The following BBOX1 variants were observed in gnomAD, a reference collection of about 807,000 sequenced individuals.
BBOX1 encodes the protein gamma-butyrobetaine dioxygenase.
Under a neutral mutation model 41.6 loss-of-function variants are expected in BBOX1, and 35 were observed. That is an observed-to-expected ratio of 0.84 (90% CI 0.64 to 1.11). The LOEUF (loss-of-function observed/expected upper bound fraction) is 1.11, where lower values mean the gene tolerates loss of function less well. Among genes scored for constraint, BBOX1 ranks in the 50% most tolerant of loss-of-function variants. The probability of loss-of-function intolerance (pLI) is 0.00; values close to 1 mark genes in which losing one functional copy is unlikely to be tolerated. For synonymous variants in BBOX1, 163 were observed against 154.7 expected, an observed-to-expected ratio of 1.05 and a Z score of -0.40; for missense variants, 458 against 460.6, an observed-to-expected ratio of 0.99 and a Z score of 0.05.
intron 4 of BBOX1, among the ~76,000 whole-genome samples, chr11:27,066,100 T>G (rs1312197332): frequency 1.3e-5 from 2 of 152,204 alleles, no homozygotes; most frequent in African/African-American, 4.8e-5. Context: ...GTAGTTATAT[T>G]AAAGTAAAGT....
chr11:27,101,685 TTTC>T (rs1465897492), intron 5 of BBOX1, among the ~76,000 whole-genome samples: 1 of 152,100 alleles, frequency 6.6e-6, no homozygotes, highest in Non-Finnish European at 1.5e-5. Context: ...ACAACAAAGA[TTTC>T]TTTTTTTATT....
At chr11:27,046,918 A>ATTTTT (rs71449139) in intron 2 of BBOX1, among the ~76,000 whole-genome samples, 1 of 148,528 alleles carries the variant, frequency 6.7e-6, no homozygotes, top group African/African-American at 2.4e-5. Flanking sequence ...ATGATCTGCA[A>ATTTTT]TTTTTTTTTT....
intron 7 of BBOX1, among the ~76,000 whole-genome samples, chr11:27,124,373 C>T (rs951264941): frequency 6.6e-6 from 1 of 152,164 alleles, no homozygotes; most frequent in Admixed American, 6.5e-5. Flanking sequence ...TTGACTGACA[C>T]TTTAAGATCG....
intron 4 of BBOX1, among the ~76,000 whole-genome samples, chr11:27,081,648 T>C (rs4456220): frequency 0.83 from 125,995 of 152,060 alleles, 53,112 homozygotes; most frequent in East Asian, 0.94. Context: ...TCCACAATGG[T>C]TGAACTAATT....
chr11:27,053,337 A>C (rs1856874371), intron 2 of BBOX1, among the ~76,000 whole-genome samples: 1 of 152,230 alleles, frequency 6.6e-6, no homozygotes, highest in South Asian at 2.1e-4. Flanking sequence ...TAACTTGATC[A>C]AGAGTAAGCA....
intron 4 of BBOX1, among the ~76,000 whole-genome samples, chr11:27,069,438 C>G (rs574171388): frequency 1.3e-3 from 198 of 152,218 alleles, no homozygotes; most frequent in African/African-American, 4.6e-3. Flanking sequence ...TGAGACTTCA[C>G]TGAATTTGCT....
chr11:27,041,851 A>G (rs1201178574), intron 2 of BBOX1, among the ~76,000 whole-genome samples: 4 of 152,164 alleles, frequency 2.6e-5, no homozygotes, highest in African/African-American at 7.2e-5. Flanking sequence ...GGGATGGGGC[A>G]AGGAGGATTC....
chr11:27,043,599 C>T (rs978005873), intron 2 of BBOX1, among the ~76,000 whole-genome samples: 1 of 152,118 alleles, frequency 6.6e-6, no homozygotes, highest in African/African-American at 2.4e-5. Flanking sequence ...CCCTAGCCCC[C>T]TACCCCGCCA....
intron 6 of BBOX1, among the ~76,000 whole-genome samples, chr11:27,118,382 A>G (rs1859339537): frequency 6.6e-6 from 1 of 151,996 alleles, no homozygotes; most frequent in Admixed American, 6.6e-5. Context: ...AAGGTTTGAG[A>G]TTTTCTATAA....
chr11:27,092,523 T>C (rs1340192257), intron 4 of BBOX1, among the ~76,000 whole-genome samples: 1 of 152,012 alleles, frequency 6.6e-6, no homozygotes, highest in East Asian at 1.9e-4. Context: ...TATGAGCATT[T>C]AATCATGAAG....
chr11:27,093,323 A>G lies in BBOX1; in HGVS notation c.490A>G (p.Lys164Glu). The G allele has an allele frequency of 6.2e-7, 1 of 1,612,476 alleles. No homozygotes were observed. The highest frequency in any genetic ancestry group is 8.5e-7 in the Non-Finnish European group (1 of 1,178,974). Residue 164 changes from lysine to glutamate, a missense_variant, in exon 5 of 9, where the codon AAA becomes GAA. Lys to Glu is a moderately conservative substitution (Grantham distance 56). Transcript: ENST00000263182. ...ATCTGACAAACCAGGAGAAGTTTCA[A>G]AACTTGGGAAAAGGATGGGTTTCCT... ...GASDKPGEVS[K>E]LGKRMGFLYL...
intron 2 of BBOX1, among the ~76,000 whole-genome samples, chr11:27,049,975 T>A (rs1203696966): frequency 6.6e-6 from 1 of 152,142 alleles, no homozygotes; most frequent in Non-Finnish European, 1.5e-5. Flanking sequence ...TTCTAGTAGT[T>A]TTAGAGTTTC....
At chr11:27,054,376 T>G (rs1856914963) in intron 2 of BBOX1, among the ~76,000 whole-genome samples, 1 of 152,208 alleles carries the variant, frequency 6.6e-6, no homozygotes, top group South Asian at 2.1e-4. Context: ...TTCTCGCATA[T>G]AAATTCTACT....
intron 5 of BBOX1, among the ~76,000 whole-genome samples, chr11:27,094,970 G>C (rs1372904): frequency 0.95 from 144,057 of 151,980 alleles, 68,372 homozygotes; most frequent in East Asian, 0.98. Context: ...TCATTTAATT[G>C]TCACAACAAC....
intron 5 of BBOX1, among the ~76,000 whole-genome samples, chr11:27,096,141 A>T (rs1490354463): frequency 6.6e-6 from 1 of 152,026 alleles, no homozygotes; most frequent in East Asian, 1.9e-4. Flanking sequence ...CCATTGGGAT[A>T]GAACTGGGGT....
chr11:27,070,849 T>C (rs191604098), intron 4 of BBOX1, among the ~76,000 whole-genome samples: 3 of 152,248 alleles, frequency 2.0e-5, no homozygotes, highest in South Asian at 4.1e-4. Context: ...TATTTTCTCA[T>C]TGTATTACTG....
intron 4 of BBOX1, among the ~76,000 whole-genome samples, chr11:27,084,559 G>A (rs1329331870): frequency 6.6e-6 from 1 of 152,032 alleles, no homozygotes; most frequent in Non-Finnish European, 1.5e-5. Flanking sequence ...TTTTTGTCAG[G>A]GCCCCTAGAA....
At chr11:27,096,226 G>A (rs1858433973) in intron 5 of BBOX1, among the ~76,000 whole-genome samples, 1 of 151,964 alleles carries the variant, frequency 6.6e-6, no homozygotes, top group South Asian at 2.1e-4. Flanking sequence ...TACTTTGTTT[G>A]TGCCTGGATA....
intron 4 of BBOX1, among the ~76,000 whole-genome samples, chr11:27,079,623 T>G (rs117875922): frequency 0.013 from 2,021 of 152,196 alleles, 27 homozygotes; most frequent in Admixed American, 0.037. Flanking sequence ...TAATAGGAGA[T>G]TCTAGCCCAG....
Sources: allele counts gnomAD v4.1 joint callset (sites outside exome capture counted in the v4.1 genomes callset), GRCh38; gene constraint gnomAD v4.1.1; transcripts MANE v1.5; gene names NCBI Gene and HGNC (gene_info 2026-07-23, HGNC 2026-07-21).